The following SH3GL2 variants were observed in gnomAD, a reference collection of about 807,000 sequenced individuals.
The protein encoded by SH3GL2 is SH3 domain containing GRB2 like 2, endophilin A1.
SH3GL2 carries 24 observed loss-of-function variants against 46.0 expected under a neutral mutation model. The ratio of observed to expected loss-of-function variants is 0.52; its 90% CI spans 0.38 to 0.73. The LOEUF (loss-of-function observed/expected upper bound fraction) is 0.73, where lower values mean the gene tolerates loss of function less well. Among genes scored for constraint, SH3GL2 ranks in the 30% least tolerant of loss-of-function variants. The pLI is 0.00. For synonymous variants in SH3GL2, 196 were observed against 147.1 expected (o/e 1.33, Z -2.40); for missense variants, 413 against 424.2 (o/e 0.97, Z 0.23).
At chr9:17,589,526 A>G (rs536060025) in intron 1 of SH3GL2, 7 of 152,218 alleles carry the variant, frequency 4.6e-5, no homozygotes, top group African/African-American at 1.4e-4. Flanking sequence ...AACAGTGACA[A>G]CTTCTCTAAC....
At chr9:17,786,732 C>A (rs186438646) in intron 4 of SH3GL2, among the ~76,000 whole-genome samples, 6 of 152,138 alleles carry the variant, frequency 3.9e-5, no homozygotes, top group East Asian at 3.9e-4. Flanking sequence ...CCACCCCCCC[C>A]ACTATAAGAC....
Sources: gnomAD v4.1 joint callset for allele counts (sites outside exome capture counted in the v4.1 genomes callset) on GRCh38, gnomAD v4.1.1 for gene constraint, MANE v1.5 for transcripts, NCBI Gene and HGNC (gene_info 2026-07-23, HGNC 2026-07-21) for gene names.